Variants in KLF8 observed in about 807,000 individuals in gnomAD.
KLF8 encodes KLF transcription factor 8, also known as Krueppel-like factor 8.
In KLF8, 10 loss-of-function variants were observed where a neutral mutation model predicts 18.2. That is an observed-to-expected ratio of 0.55 (90% confidence interval 0.34 to 0.93). The LOEUF is 0.93. Ranked by LOEUF, KLF8 falls within the 40% of genes least tolerant of loss-of-function variation. The pLI is 0.02. For missense variants in KLF8, 264 were observed against 277.9 expected, an observed-to-expected ratio of 0.95 and a Z score of 0.36; for synonymous variants, 109 against 97.3, an observed-to-expected ratio of 1.12 and a Z score of -0.71.
At chrX:56,185,575 G>T in the KLF8 span, among the ~76,000 whole-genome samples, 53 of 111,591 alleles carry the variant, frequency 4.7e-4, 2 homozygotes, top group East Asian at 0.015. Flanking sequence ...ATAATTGTCA[G>T]ATTCTCCAAA....
At chrX:56,096,308 A>G in the KLF8 span, among the ~76,000 whole-genome samples, 2 of 111,230 alleles carry the variant, frequency 1.8e-5, no homozygotes, top group Admixed American at 1.9e-4. Flanking sequence ...CGAGGGTAGG[A>G]GGCATGAGGG....
the KLF8 span, among the ~76,000 whole-genome samples, chrX:56,170,666 A>T: frequency 9.0e-6 from 1 of 110,868 alleles, no homozygotes; most frequent in Non-Finnish European, 1.9e-5. Flanking sequence ...AGAATTAAAA[A>T]CAATGAAGTA....
chrX:55,974,863 G>A, the KLF8 span, among the ~76,000 whole-genome samples: 9 of 111,911 alleles, frequency 8.0e-5, no homozygotes, highest in African/African-American at 2.6e-4. Flanking sequence ...TAATAATATT[G>A]ATTCTTCCAA....
At chrX:56,150,476 C>T in the KLF8 span, among the ~76,000 whole-genome samples, 2 of 111,822 alleles carry the variant, frequency 1.8e-5, no homozygotes, top group Non-Finnish European at 3.8e-5. Flanking sequence ...TTTACATTAA[C>T]TCCAGCACCT....
At chrX:56,171,846 T>C in the KLF8 span, among the ~76,000 whole-genome samples, 1 of 111,900 alleles carries the variant, frequency 8.9e-6, no homozygotes, top group Non-Finnish European at 1.9e-5. Flanking sequence ...TGTGCATGTG[T>C]CTTTATAGCA....
At chrX:56,282,970 C>T (rs1333865690) in intron 5 of KLF8, among the ~76,000 whole-genome samples, 1 of 111,399 alleles carries the variant, frequency 9.0e-6, no homozygotes, top group East Asian at 2.8e-4. Context: ...ATGAAAAGTT[C>T]TCTTCCCACC....
the KLF8 span, chrX:55,961,713 G>T: frequency 5.2e-6 from 2 of 385,868 alleles, no homozygotes; most frequent in Non-Finnish European, 9.9e-6. Context: ...AGGGATGCTG[G>T]CATGCAGCTA....
chrX:56,003,405 G>A, the KLF8 span, among the ~76,000 whole-genome samples: 14 of 93,025 alleles, frequency 1.5e-4, no homozygotes, highest in African/African-American at 4.5e-4. Context: ...GCGAGACTCC[G>A]TAAAATAAAT....
intron 1 of KLF8, among the ~76,000 whole-genome samples, chrX:56,246,786 C>T (rs142004704): frequency 2.7e-5 from 3 of 110,753 alleles, no homozygotes; most frequent in African/African-American, 9.8e-5. Flanking sequence ...GGTGGCTGAC[C>T]CCTAGGTTTT....
the KLF8 span, among the ~76,000 whole-genome samples, chrX:56,117,523 T>A: frequency 9.0e-6 from 1 of 111,425 alleles, no homozygotes; most frequent in African/African-American, 3.3e-5. Flanking sequence ...AGAAAGAACC[T>A]CAGTTTGCCA....
the KLF8 span, among the ~76,000 whole-genome samples, chrX:56,067,178 G>A: frequency 1.9e-5 from 2 of 104,736 alleles, no homozygotes; most frequent in Non-Finnish European, 4.0e-5. Context: ...TAAGGTGGCT[G>A]ACTAGAGGCA....
At chrX:56,058,556 C>T in the KLF8 span, among the ~76,000 whole-genome samples, 1 of 99,411 alleles carries the variant, frequency 1.0e-5, no homozygotes, top group Non-Finnish European at 2.0e-5. Context: ...CCTGTGTTCA[C>T]GTCTTCTCAT....
the KLF8 span, among the ~76,000 whole-genome samples, chrX:56,159,823 C>G: frequency 1.8e-5 from 2 of 111,333 alleles, no homozygotes; most frequent in African/African-American, 3.3e-5. Context: ...TTTCGTTGAT[C>G]TTTTCAAAAA....
the KLF8 span, among the ~76,000 whole-genome samples, chrX:56,056,694 A>G: frequency 1.0e-4 from 10 of 97,776 alleles, no homozygotes; most frequent in Non-Finnish European, 2.0e-4. Context: ...GATATACCTA[A>G]TGCTAGATGA....
chrX:56,035,357 G>A, the KLF8 span, among the ~76,000 whole-genome samples: 1 of 111,712 alleles, frequency 9.0e-6, no homozygotes, highest in Admixed American at 9.5e-5. Flanking sequence ...TTTTCTTTAT[G>A]CAGCCATCTG....
the KLF8 span, among the ~76,000 whole-genome samples, chrX:56,044,625 C>T: frequency 8.9e-6 from 1 of 112,800 alleles, no homozygotes; most frequent in African/African-American, 3.2e-5. Flanking sequence ...GGGGACCATC[C>T]CTTGTCCATA....
At chrX:56,149,211 T>C in the KLF8 span, among the ~76,000 whole-genome samples, 1 of 111,672 alleles carries the variant, frequency 9.0e-6, no homozygotes, top group Non-Finnish European at 1.9e-5. Flanking sequence ...TGACACCTGA[T>C]GTCTATATCT....
At chrX:56,176,722 T>C in the KLF8 span, among the ~76,000 whole-genome samples, 2 of 111,858 alleles carry the variant, frequency 1.8e-5, no homozygotes, top group Non-Finnish European at 3.8e-5. Context: ...CCATTCTCCC[T>C]GTCACTTTCA....
chrX:56,085,781 G>A, the KLF8 span, among the ~76,000 whole-genome samples: 1 of 112,142 alleles, frequency 8.9e-6, no homozygotes, highest in Non-Finnish European at 1.9e-5. Context: ...TACTTGGAAA[G>A]TAAAATAAAC....
Sources: gnomAD v4.1 joint callset for allele counts (sites outside exome capture counted in the v4.1 genomes callset) on GRCh38, gnomAD v4.1.1 for gene constraint, MANE v1.5 for transcripts, NCBI Gene and HGNC (gene_info 2026-07-23, HGNC 2026-07-21) for gene names.